Variants in RAD51B observed in about 807,000 individuals in gnomAD.
RAD51B encodes the protein DNA repair protein RAD51 homolog 2.
In RAD51B, 38 loss-of-function variants were observed where a neutral mutation model predicts 42.2. The ratio of observed to expected loss-of-function variants is 0.90; its 90% CI spans 0.70 to 1.18. RAD51B has a LOEUF of 1.18. RAD51B is among the 50% of genes most tolerant of loss of function. The probability of loss-of-function intolerance (pLI) is 0.00; values close to 1 mark genes in which losing one functional copy is unlikely to be tolerated. For missense variants in RAD51B, 373 were observed against 400.7 expected, an observed-to-expected ratio of 0.93 and a Z score of 0.59; for synonymous variants, 154 against 145.2, an observed-to-expected ratio of 1.06 and a Z score of -0.43.
At chr14:67,864,695 T>A in intron 4 of RAD51B, 1 of 465,158 alleles carries the variant, frequency 2.1e-6, no homozygotes, top group Non-Finnish European at 4.2e-6. Flanking sequence ...TATAAATGAG[T>A]GAATGTTTCA....
intron 7 of RAD51B, among the ~76,000 whole-genome samples, chr14:68,051,297 A>C (rs1330564684): frequency 6.6e-6 from 1 of 152,148 alleles, no homozygotes; most frequent in Non-Finnish European, 1.5e-5. Context: ...GCACTACTAA[A>C]TTATTCTACA....
At chr14:68,660,582 G>T (rs1023558776) in intron 11 of RAD51B, among the ~76,000 whole-genome samples, 19 of 152,310 alleles carry the variant, frequency 1.2e-4, no homozygotes, top group African/African-American at 4.1e-4. Context: ...GCAGACACGG[G>T]GTTCCAGAGC....
rs1566963431 is a variant in RAD51B, at chr14:68,648,037, ACACACG to A, written c.1037-2743_1037-2738del. ...TATATATATACGTATATATATATAT[ACACACG>A]TATATAGATGTGTGTGTGTATATAT... On this transcript the variant is annotated intron_variant, in intron 10 of 11. Coordinates refer to the RAD51B transcript ENST00000488612. Among the ~76,000 whole-genome samples the A allele has an allele frequency of 1.3e-3, 48 of 38,018 alleles. 1 individual carries two copies. Among genetic ancestry groups the A allele is most frequent in the East Asian group, 4.4e-3 (3 of 676 alleles). The allele number at this position is 38,018 out of a possible 152,430, so 24.9% of individuals were successfully genotyped here. A position where few individuals can be genotyped will look rare whatever the true frequency, so the allele number is the denominator to read the frequency against.
chr14:68,673,603 GCACA>G (rs150030840), intron 11 of RAD51B, among the ~76,000 whole-genome samples: 4 of 148,840 alleles, frequency 2.7e-5, no homozygotes, highest in Admixed American at 1.3e-4. Context: ...ATATGTACAT[GCACA>G]CACACACGTA....
intron 9 of RAD51B, among the ~76,000 whole-genome samples, chr14:68,430,878 G>T (rs1438991743): frequency 6.6e-6 from 1 of 151,984 alleles, no homozygotes; most frequent in Non-Finnish European, 1.5e-5. Context: ...TATGATATTG[G>T]CTGTGGGTTT....
At chr14:68,171,865 C>A (rs1458317623) in intron 7 of RAD51B, among the ~76,000 whole-genome samples, 3 of 151,928 alleles carry the variant, frequency 2.0e-5, no homozygotes, top group Non-Finnish European at 2.9e-5. Flanking sequence ...CACCACCAAG[C>A]CCTGCTAATT....
At chr14:68,626,470 A>T (rs117877043) in intron 10 of RAD51B, among the ~76,000 whole-genome samples, 92 of 152,314 alleles carry the variant, frequency 6.0e-4, no homozygotes, top group Non-Finnish European at 1.0e-3. Context: ...CTCACTCAGG[A>T]TGTCTTGCAG....
intron 7 of RAD51B, among the ~76,000 whole-genome samples, chr14:68,045,236 C>CAAAAAAAAAAAAAAAAAAAAAAA: frequency 4.5e-5 from 1 of 22,080 alleles, no homozygotes; most frequent in Non-Finnish European, 8.3e-5. Flanking sequence ...AACTCTGTCT[C>CAAAAAAAAAAAAAAAAAAAAAAA]AAAAAAAAAA....
intron 7 of RAD51B, among the ~76,000 whole-genome samples, chr14:68,248,532 G>GC (rs528984899): frequency 1.6e-4 from 25 of 152,016 alleles, no homozygotes; most frequent in Admixed American, 3.9e-4. Context: ...TTCTAACATA[G>GC]CCTTTTTTTT....
chr14:68,362,571 C>T (rs1298541240), intron 8 of RAD51B, among the ~76,000 whole-genome samples: 2 of 152,220 alleles, frequency 1.3e-5, no homozygotes, highest in East Asian at 1.9e-4. Flanking sequence ...TAACAGAGGC[C>T]GGGCGCAGTG....
chr14:68,477,626 CTTT>C lies in RAD51B; in HGVS notation c.1037-10_1037-8del, dbSNP rs528099287. On this transcript the variant is annotated intron_variant, in intron 10 of 10. Coordinates refer to ENST00000471583, the MANE Select transcript of RAD51B (RefSeq NM_133510.4). ...ACAATTTTTTTTTTTCAAACTTTCT[CTTT>C]TTTTTTTTTTTCCTTTAGGCCAAGA... 1.1e-3 allele frequency: 1,524 copies of C among 1,398,810 alleles called. No individual in the cohort carries two copies. The highest frequency in any genetic ancestry group is 3.8e-3 in the Admixed American group (190 of 49,564). 86.6% of individuals were successfully genotyped at this position (1,398,810 alleles called of 1,614,324 possible).
intron 11 of RAD51B, among the ~76,000 whole-genome samples, chr14:68,651,594 AAGGACATC>A (rs1892699847): frequency 6.6e-6 from 1 of 152,156 alleles, no homozygotes; most frequent in African/African-American, 2.4e-5. Flanking sequence ...CCACTTCTTA[AAGGACATC>A]AGGGAAGCTT....
At chr14:67,890,334 G>A (rs2043180363) in intron 7 of RAD51B, among the ~76,000 whole-genome samples, 1 of 151,386 alleles carries the variant, frequency 6.6e-6, no homozygotes, top group South Asian at 2.1e-4. Context: ...CATAGGAAAG[G>A]ACAAACAGTG....
chr14:68,263,170 C>T (rs1030818188), intron 7 of RAD51B, among the ~76,000 whole-genome samples: 1 of 152,210 alleles, frequency 6.6e-6, no homozygotes, highest in South Asian at 2.1e-4. Context: ...GAACAGGATA[C>T]CTGCAAGCAT....
At chr14:67,860,205 T>A (rs2042120431) in intron 4 of RAD51B, among the ~76,000 whole-genome samples, 1 of 152,324 alleles carries the variant, frequency 6.6e-6, no homozygotes, top group Admixed American at 6.5e-5. Flanking sequence ...AGAACTTAAA[T>A]TATTTAATGT....
intron 7 of RAD51B, among the ~76,000 whole-genome samples, chr14:68,199,571 CACAA>C (rs1387672549): frequency 6.6e-6 from 1 of 152,164 alleles, no homozygotes; most frequent in African/African-American, 2.4e-5. Context: ...CAGTGAATAC[CACAA>C]ACAGTTATTT....
At chr14:68,661,735 C>A (rs969083251) in intron 11 of RAD51B, among the ~76,000 whole-genome samples, 14 of 152,326 alleles carry the variant, frequency 9.2e-5, no homozygotes, top group Admixed American at 9.1e-4. Context: ...CCTTTTCATG[C>A]CCGGTAGAGG....
At position 68,293,265 on chromosome 14, in the gene RAD51B, G is replaced by GT. The variant is rs554486041; in HGVS notation, c.853+1291dup. Among the ~76,000 whole-genome samples the GT allele has an allele frequency of 1.4e-4, 21 of 151,848 alleles. No homozygotes were observed. The South Asian group carries it at 2.7e-3, about 20-fold the overall frequency. On this transcript the variant is annotated intron_variant, in intron 8 of 10. Coordinates refer to ENST00000471583, the MANE Select transcript of RAD51B (RefSeq NM_133510.4). ...TGTTGTTTGTTTTGTTTTTGTTTTTGTTTTTTCTGAGAATGAGCTAAAATC... is the reference window on the plus strand; with the variant it reads ...TGTTGTTTGTTTTGTTTTTGTTTTTGTTTTTTTCTGAGAATGAGCTAAAATC...
intron 8 of RAD51B, among the ~76,000 whole-genome samples, chr14:68,395,579 A>T (rs914929889): frequency 2.0e-5 from 3 of 152,020 alleles, no homozygotes; most frequent in Non-Finnish European, 4.4e-5. Context: ...CTTTTATTGT[A>T]TTACTATTTT....
Sources: allele counts gnomAD v4.1 joint callset (sites outside exome capture counted in the v4.1 genomes callset), GRCh38; gene constraint gnomAD v4.1.1; transcripts MANE v1.5; gene names NCBI Gene and HGNC (gene_info 2026-07-23, HGNC 2026-07-21).